NHSL1: variants seen among roughly 807,000 people sequenced by gnomAD.
NHSL1 encodes NHS like 1, also known as NHS-like protein 1.
In NHSL1, 48 loss-of-function variants were observed where a neutral mutation model predicts 95.0. The ratio of observed to expected loss-of-function variants is 0.51; its 90% CI spans 0.40 to 0.64. NHSL1 has a LOEUF of 0.64. Among genes scored for constraint, NHSL1 ranks in the 30% least tolerant of loss-of-function variants. The pLI, the probability that NHSL1 is intolerant of heterozygous loss-of-function variation, is 0.00. For missense variants in NHSL1, 1,971 were observed against 2,077.7 expected (o/e 0.95, Z 1.00); for synonymous variants, 783 against 833.9 (o/e 0.94, Z 1.05).
chr6:138,543,219 T>C (rs190657037), intron 1 of NHSL1, among the ~76,000 whole-genome samples: 7 of 152,362 alleles, frequency 4.6e-5, no homozygotes, highest in African/African-American at 1.7e-4. Context: ...ACCATGCCTT[T>C]GTTAGCCACA....
At chr6:138,683,287 C>A (rs1168719185) in intron 1 of NHSL1, among the ~76,000 whole-genome samples, 5 of 152,192 alleles carry the variant, frequency 3.3e-5, no homozygotes, top group Non-Finnish European at 2.9e-5. Flanking sequence ...TCTCTGACAC[C>A]AGCTCTCATG....
At chr6:138,486,133 T>C (rs753194775) in intron 2 of NHSL1, among the ~76,000 whole-genome samples, 23 of 152,134 alleles carry the variant, frequency 1.5e-4, no homozygotes, top group Non-Finnish European at 3.4e-4. Context: ...CCCATTCTCT[T>C]TCCATATCTG....
At chr6:138,537,901 G>A (rs931706215) in intron 1 of NHSL1, among the ~76,000 whole-genome samples, 35 of 152,082 alleles carry the variant, frequency 2.3e-4, no homozygotes, top group African/African-American at 8.0e-4. Flanking sequence ...GATCCAGGCC[G>A]GCGAGAAGTC....
intron 3 of NHSL1, among the ~76,000 whole-genome samples, chr6:138,457,251 A>G (rs1332943986): frequency 6.6e-6 from 1 of 152,202 alleles, no homozygotes; most frequent in Non-Finnish European, 1.5e-5. Context: ...TGTTTAGATG[A>G]TATGCATAAC....
At chr6:138,676,954 C>T (rs1319257505) in intron 1 of NHSL1, among the ~76,000 whole-genome samples, 1 of 152,220 alleles carries the variant, frequency 6.6e-6, no homozygotes, top group Non-Finnish European at 1.5e-5. Context: ...CTGCCCCAGG[C>T]CATCTGCTGC....
rs967213321 is a variant in NHSL1, at chr6:138,504,963, T to A, written c.17-8592A>T. Among the ~76,000 whole-genome samples, 19 of 152,324 alleles carry A rather than the reference T, an allele frequency of 1.2e-4. 1 individual carries two copies. Among genetic ancestry groups the A allele is most frequent in the African/African-American group, 4.3e-4 (18 of 41,588 alleles). ...AAAAATTAAACCTTGGCCACTTAAA[T>A]AAATGACTCTGTTACGACCCATGCT... On this transcript the variant is annotated intron_variant, in intron 1 of 4. Transcript: ENST00000342260.
intron 1 of NHSL1, among the ~76,000 whole-genome samples, chr6:138,579,077 G>A (rs1784014262): frequency 6.6e-6 from 1 of 152,156 alleles, no homozygotes; most frequent in South Asian, 2.1e-4. Context: ...GGCATGCATG[G>A]CTCACAACAG....
chr6:138,529,761 A>G (rs1421099163), intron 1 of NHSL1, among the ~76,000 whole-genome samples: 1 of 152,158 alleles, frequency 6.6e-6, no homozygotes, highest in Non-Finnish European at 1.5e-5. Flanking sequence ...TCTGCCATCA[A>G]CCAGAGAGAG....
chr6:138,660,659 A>G lies in NHSL1; in HGVS notation c.96+31817T>C, dbSNP rs529093833. Reference sequence around the variant, plus strand: ...CCGTCTCAAAAAAAAAAAGAAAAAAAAAATACCACCACCAGGCTGGGCATG... The same window carrying G: ...CCGTCTCAAAAAAAAAAAGAAAAAAGAAATACCACCACCAGGCTGGGCATG... On this transcript the variant is annotated intron_variant, in intron 1 of 3. Coordinates refer to the NHSL1 transcript ENST00000491526. 9.9e-5 allele frequency among the ~76,000 whole-genome samples: 15 copies of G among 151,866 alleles called. No individual in the cohort carries two copies. In the East Asian group the frequency reaches 2.9e-3, roughly 29 times the overall value.
At chr6:138,668,911 C>T (rs909096118) in intron 1 of NHSL1, among the ~76,000 whole-genome samples, 2 of 151,984 alleles carry the variant, frequency 1.3e-5, no homozygotes, top group African/African-American at 2.4e-5. Flanking sequence ...TGTGAGCCAC[C>T]GTACCCGGCC....
Position 138,661,954 on chromosome 6 carries a change from G to T in NHSL1, c.96+30522C>A, listed in dbSNP as rs550176048. 8.5e-5 allele frequency among the ~76,000 whole-genome samples: 13 copies of T among 152,132 alleles called. No homozygotes were observed. The South Asian group carries it at 2.7e-3, about 32-fold the overall frequency. On this transcript the variant is annotated intron_variant, in intron 1 of 3. Transcript: ENST00000491526. Reference sequence around the variant, plus strand: ...CCAGAAGTGGTGGCGTGCACCTGTAGCCTCAGCTACTTGAGAGGCTGAGGT... The same window carrying T: ...CCAGAAGTGGTGGCGTGCACCTGTATCCTCAGCTACTTGAGAGGCTGAGGT...
At chr6:138,641,801 C>G (rs1467819934) in intron 1 of NHSL1, among the ~76,000 whole-genome samples, 1 of 152,022 alleles carries the variant, frequency 6.6e-6, no homozygotes, top group African/African-American at 2.4e-5. Flanking sequence ...AGACATGAAG[C>G]CCCTTTCTAC....
chr6:138,545,783 C>T, upstream of NHSL1: 1 of 1,201,714 alleles, frequency 8.3e-7, no homozygotes, highest in Non-Finnish European at 1.1e-6. Flanking sequence ...CAGGAAGCCA[C>T]TGCCCAATCC....
intron 1 of NHSL1, among the ~76,000 whole-genome samples, chr6:138,527,178 C>T (rs779282034): frequency 1.6e-4 from 25 of 152,012 alleles, no homozygotes; most frequent in Admixed American, 9.8e-4. Flanking sequence ...AAGACCAGCG[C>T]TGGGAGGCTG....
intron 1 of NHSL1, among the ~76,000 whole-genome samples, chr6:138,648,840 C>T (rs9484192): frequency 0.099 from 15,019 of 151,648 alleles, 920 homozygotes; most frequent in African/African-American, 0.18. Flanking sequence ...TTTTTTTTAA[C>T]TTCTGGGAAA....
intron 1 of NHSL1, among the ~76,000 whole-genome samples, chr6:138,616,792 T>G (rs532686845): frequency 1.3e-4 from 20 of 152,256 alleles, no homozygotes; most frequent in African/African-American, 3.6e-4. Flanking sequence ...GTAAGTAAAC[T>G]GTCTAAGAAA....
chr6:138,619,557 C>T lies in NHSL1; in HGVS notation c.96+72919G>A, dbSNP rs556843831. ...CTAATTAAAGAACCTGCTAAAGATA[C>T]CCACAATATATGTTTAAGTGGAAAA... On this transcript the variant is annotated intron_variant, in intron 1 of 3. Transcript: ENST00000491526. 3.8e-4 allele frequency among the ~76,000 whole-genome samples: 58 copies of T among 152,254 alleles called. No homozygotes were observed. The South Asian group carries it at 0.012, about 31-fold the overall frequency.
rs1775553584 is a variant in NHSL1, at chr6:138,430,401, T to G, written c.3944A>C (p.Asp1315Ala). Residue 1315 changes from aspartate (D) to alanine (A), a missense_variant, in exon 6 of 8, where the codon GAC becomes GCC. Transcript: ENST00000343505. This position sits in a 1 kb window ranked among gnomAD's most constrained non-coding sequence, Gnocchi z 4.7. ...CAGGAAGCCAGACTCACCTGCTCCGTCCTGTTGAGATAGGCAGCTCTCCCC... is the reference window on the plus strand; with the variant it reads ...CAGGAAGCCAGACTCACCTGCTCCGGCCTGTTGAGATAGGCAGCTCTCCCC... ...GDGESCLSQQDGAAGVPETNA... is the reference protein window; with the variant it reads ...GDGESCLSQQAGAAGVPETNA... The G allele has an allele frequency of 1.3e-6, 2 of 1,483,284 alleles. No individual in the cohort carries two copies. Among genetic ancestry groups the G allele is most frequent in the Admixed American group, 4.6e-5 (2 of 43,348 alleles). 91.9% of individuals were successfully genotyped at this position (1,483,284 alleles called of 1,614,324 possible).
At chr6:138,668,717 C>T (rs6938033) in intron 1 of NHSL1, among the ~76,000 whole-genome samples, 4,687 of 151,054 alleles carry the variant, frequency 0.031, 195 homozygotes, top group African/African-American at 0.092. Context: ...CTCCGCCTCC[C>T]GGGTTAAGCG....
Sources: gnomAD v4.1 joint callset for allele counts (sites outside exome capture counted in the v4.1 genomes callset) on GRCh38, gnomAD v4.1.1 for gene constraint, Gnocchi (gnomAD v3.1) non-coding constraint, MANE v1.5 for transcripts, NCBI Gene and HGNC (gene_info 2026-07-23, HGNC 2026-07-21) for gene names.